TM9SF3: variants seen among roughly 807,000 people sequenced by gnomAD.
TM9SF3 encodes SM-11044-binding protein.
TM9SF3 carries 14 observed loss-of-function variants against 78.6 expected under a neutral mutation model. That is an observed-to-expected ratio of 0.18 (90% CI 0.12 to 0.28). TM9SF3 has a LOEUF of 0.28. Among genes scored for constraint, TM9SF3 ranks in the 10% least tolerant of loss-of-function variants. The pLI is 1.00. For synonymous variants in TM9SF3, 231 were observed against 241.7 expected (o/e 0.96, Z 0.41); for missense variants, 496 against 721.9 (o/e 0.69, Z 3.59).
At chr10:96,533,651 A>C (rs1847922045) in intron 9 of TM9SF3, among the ~76,000 whole-genome samples, 1 of 152,190 alleles carries the variant, frequency 6.6e-6, no homozygotes, top group Non-Finnish European at 1.5e-5. Flanking sequence ...GTAACTTCCC[A>C]TAATTGCATA....
chr10:96,565,496 A>G, intron 2 of TM9SF3, 70 bp from the exon 3 acceptor site: 1 of 1,476,214 alleles, frequency 6.8e-7, no homozygotes, highest in Non-Finnish European at 8.9e-7. Flanking sequence ...AAAAAAAGAC[A>G]AGAAAAAAGC....
intron 1 of TM9SF3, among the ~76,000 whole-genome samples, chr10:96,577,045 G>A (rs1306463104): frequency 6.6e-6 from 1 of 152,066 alleles, no homozygotes; most frequent in African/African-American, 2.4e-5. Context: ...GTCTCAGGCA[G>A]ATACACCTTT....
chr10:96,556,030 C>T (rs568904311), intron 5 of TM9SF3, among the ~76,000 whole-genome samples: 1 of 152,218 alleles, frequency 6.6e-6, no homozygotes, highest in African/African-American at 2.4e-5. Context: ...AAGATATACA[C>T]TATTATAATG....
intron 5 of TM9SF3, among the ~76,000 whole-genome samples, chr10:96,559,204 A>G (rs1848272501): frequency 6.6e-6 from 1 of 152,210 alleles, no homozygotes; most frequent in Non-Finnish European, 1.5e-5. Context: ...CGTAAGTTGT[A>G]TAAGGGCAAG....
At chr10:96,554,674 C>G (rs1354309771) in intron 5 of TM9SF3, among the ~76,000 whole-genome samples, 2 of 152,138 alleles carry the variant, frequency 1.3e-5, no homozygotes, top group Non-Finnish European at 2.9e-5. Context: ...CCCCCACCTC[C>G]CATCCCACCC....
chr10:96,547,628 T>C (rs1346640873), intron 8 of TM9SF3, among the ~76,000 whole-genome samples: 1 of 152,048 alleles, frequency 6.6e-6, no homozygotes, highest in Non-Finnish European at 1.5e-5. Context: ...CACAGCAGCC[T>C]GGCTAACATG....
At chr10:96,583,073 A>G (rs1457316161) in intron 1 of TM9SF3, among the ~76,000 whole-genome samples, 1 of 148,352 alleles carries the variant, frequency 6.7e-6, no homozygotes, top group Admixed American at 6.8e-5. Flanking sequence ...AGAGTGAAAC[A>G]TAGTCTCAAA....
At position 96,519,937 on chromosome 10, in the gene TM9SF3, C is replaced by T. The variant is rs1199469912; in HGVS notation, c.*2326G>A. ...GAAAATTATTTTTCACCACAGATTC[C>T]AAAGAACTTCAAATAGAGCTCAATT... is the stretch of plus-strand genomic sequence containing the variant. On this transcript the variant is annotated 3_prime_UTR_variant, in exon 15 of 15. Transcript: ENST00000371142. 6.6e-6 allele frequency: 1 copy of T among 151,798 alleles called. No homozygotes were observed. Among genetic ancestry groups the T allele is most frequent in the African/African-American group, 2.4e-5 (1 of 41,364 alleles). The allele number at this position is 151,798 out of a possible 1,614,324, so 9.4% of individuals were successfully genotyped here.
intron 4 of TM9SF3, chr10:96,561,059 T>C: frequency 1.2e-5 from 4 of 327,542 alleles, no homozygotes; most frequent in South Asian, 1.1e-4. Context: ...TCTCCTTTTC[T>C]GATCTGCCAT....
intron 2 of TM9SF3, among the ~76,000 whole-genome samples, chr10:96,572,412 A>G (rs1307275609): frequency 2.0e-5 from 3 of 151,902 alleles, no homozygotes; most frequent in Non-Finnish European, 2.9e-5. Flanking sequence ...CTTCTATTCC[A>G]CACTATGATG....
At chr10:96,554,373 T>C in intron 5 of TM9SF3, among the ~76,000 whole-genome samples, 1 of 152,036 alleles carries the variant, frequency 6.6e-6, no homozygotes, top group Non-Finnish European at 1.5e-5. Context: ...CACAATACAA[T>C]CTCACTTTTG....
At position 96,559,678 on chromosome 10, in the gene TM9SF3, G is replaced by A; in HGVS notation, c.641C>T (p.Pro214Leu). 2.5e-6 allele frequency: 4 copies of A among 1,590,892 alleles called. No homozygotes were observed. Among genetic ancestry groups the A allele is most frequent in the South Asian group, 1.1e-5 (1 of 87,076 alleles). ...ACCTACCCGATGTTGAAAAAAGGAC[G>A]GATCAAGATATTTGTCAAATCGATC... is the stretch of plus-strand genomic sequence containing the variant. ...FEDRFDKYLD[P>L]SFFQHRIHWF... Residue 214 changes from proline to leucine, a missense_variant, in exon 5 of 15, where the codon CCG (proline) becomes CTG (leucine). Around this residue, in one of 4 missense-constraint regions of TM9SF3, gnomAD observed 155 missense variants for 241.6 expected, o/e 0.64. Transcript: ENST00000371142.
chr10:96,523,661 T>C (rs1365089995), intron 14 of TM9SF3, among the ~76,000 whole-genome samples: 1 of 151,908 alleles, frequency 6.6e-6, no homozygotes, highest in East Asian at 1.9e-4. Context: ...TTCTTGAGTA[T>C]GATCAAGCCT....
At chr10:96,580,656 A>G (rs547512286) in intron 1 of TM9SF3, among the ~76,000 whole-genome samples, 1 of 152,232 alleles carries the variant, frequency 6.6e-6, no homozygotes, top group South Asian at 2.1e-4. Flanking sequence ...CGAAATGCTC[A>G]AATCCTCCTT....
chr10:96,552,231 C>T (rs573679586), intron 6 of TM9SF3, among the ~76,000 whole-genome samples: 10 of 152,070 alleles, frequency 6.6e-5, no homozygotes, highest in Non-Finnish European at 1.3e-4. Context: ...GCAGGAAGAT[C>T]GTTTGAGGCC....
chr10:96,546,233 G>A (rs536550144), intron 8 of TM9SF3, among the ~76,000 whole-genome samples: 10 of 152,166 alleles, frequency 6.6e-5, no homozygotes, highest in South Asian at 2.1e-4. Context: ...AGGCTTGATC[G>A]GACAAAATAT....
At chr10:96,538,102 T>C (rs983913829) in intron 9 of TM9SF3, among the ~76,000 whole-genome samples, 6 of 152,198 alleles carry the variant, frequency 3.9e-5, no homozygotes, top group African/African-American at 1.4e-4. Context: ...TGAAAAAGAA[T>C]TGATTTCAGG....
chr10:96,532,704 C>T (rs10882812), intron 10 of TM9SF3, among the ~76,000 whole-genome samples: 43,064 of 152,064 alleles, frequency 0.28, 7,463 homozygotes, highest in Non-Finnish European at 0.39. Context: ...AACAAATGGG[C>T]ATGGCTGAGT....
chr10:96,521,003 T>C lies in TM9SF3; in HGVS notation c.*1260A>G, dbSNP rs1847761097. The C allele has an allele frequency of 5.0e-6, 2 of 396,068 alleles. No homozygotes were observed. Among genetic ancestry groups the C allele is most frequent in the African/African-American group, 4.1e-5 (2 of 48,492 alleles). The allele number at this position is 396,068 out of a possible 1,614,324, so 24.5% of individuals were successfully genotyped here. ...AAAACAATTTGGTCAGGAAATTTTATTTGAACATTCTAAAGCAATAATGCT... is the reference window on the plus strand; with the variant it reads ...AAAACAATTTGGTCAGGAAATTTTACTTGAACATTCTAAAGCAATAATGCT... On this transcript the variant is annotated 3_prime_UTR_variant, in exon 15 of 15. Transcript: ENST00000371142.
Sources: allele counts gnomAD v4.1 joint callset (sites outside exome capture counted in the v4.1 genomes callset), GRCh38; gene constraint gnomAD v4.1.1; regional missense constraint gnomAD v4.1.1; transcripts MANE v1.5; gene names NCBI Gene and HGNC (gene_info 2026-07-23, HGNC 2026-07-21).